The following ADCY2 variants were observed in gnomAD, a reference collection of about 807,000 sequenced individuals.
The protein encoded by ADCY2 is adenylate cyclase type 2.
Under a neutral mutation model 125.2 loss-of-function variants are expected in ADCY2, and 31 were observed. The ratio of observed to expected loss-of-function variants is 0.25; its 90% CI spans 0.19 to 0.33. ADCY2 has a LOEUF of 0.33. Ranked by LOEUF, ADCY2 falls within the 10% of genes least tolerant of loss-of-function variation. The pLI is 1.00. For synonymous variants in ADCY2, 512 were observed against 548.4 expected (o/e 0.93, Z 0.93); for missense variants, 904 against 1,418.2 (o/e 0.64, Z 5.82).
At chr5:7,619,026 T>C (rs1408430237) in intron 3 of ADCY2, among the ~76,000 whole-genome samples, 5 of 152,200 alleles carry the variant, frequency 3.3e-5, no homozygotes, top group Non-Finnish European at 7.3e-5. Context: ...GATCCAGGAC[T>C]ATTCAGTAAT....
At position 7,829,203 on chromosome 5, in the gene ADCY2, A is replaced by G. The variant is rs1745571561; in HGVS notation, c.*2332A>G. On this transcript the variant is annotated 3_prime_UTR_variant, in exon 25 of 25. Coordinates refer to ENST00000338316, the MANE Select transcript of ADCY2 (RefSeq NM_020546.3). ...CCTGAAGGAGGACCCTGAATTTGAG[A>G]TCCCCGGGGCTGGGGCCCAGCACAA... 1 of 152,618 alleles carries G rather than the reference A, an allele frequency of 6.6e-6. No homozygotes were observed. Among genetic ancestry groups the G allele is most frequent in the African/African-American group, 2.4e-5 (1 of 41,446 alleles). The allele number at this position is 152,618 out of a possible 1,614,324, so 9.5% of individuals were successfully genotyped here.
chr5:7,443,238 A>T (rs890174949), intron 2 of ADCY2, among the ~76,000 whole-genome samples: 8 of 152,310 alleles, frequency 5.3e-5, no homozygotes, highest in Non-Finnish European at 1.2e-4. Flanking sequence ...AGTTTATGCT[A>T]ACATTTCTTA....
At chr5:7,565,006 A>G (rs1323529725) in intron 3 of ADCY2, among the ~76,000 whole-genome samples, 1 of 152,238 alleles carries the variant, frequency 6.6e-6, no homozygotes, top group African/African-American at 2.4e-5. Context: ...TGCACATGTA[A>G]CAGTCATCAC....
chr5:7,677,609 G>A (rs1740176770), intron 4 of ADCY2, among the ~76,000 whole-genome samples: 1 of 152,170 alleles, frequency 6.6e-6, no homozygotes, highest in Non-Finnish European at 1.5e-5. Context: ...AAGACCCAAA[G>A]TCCCAGCCCA....
intron 19 of ADCY2, among the ~76,000 whole-genome samples, chr5:7,785,289 A>G (rs1318130139): frequency 6.6e-6 from 1 of 152,128 alleles, no homozygotes; most frequent in Non-Finnish European, 1.5e-5. Context: ...GCTGTTGGTA[A>G]TTGCATAGAC....
chr5:7,718,694 A>G (rs1163174454), intron 12 of ADCY2, among the ~76,000 whole-genome samples: 1 of 152,112 alleles, frequency 6.6e-6, no homozygotes, highest in Non-Finnish European at 1.5e-5. Flanking sequence ...TTCCCGTCAC[A>G]GAGTGTCCAA....
At chr5:7,777,865 C>A (rs960577701) in intron 18 of ADCY2, among the ~76,000 whole-genome samples, 3 of 152,194 alleles carry the variant, frequency 2.0e-5, no homozygotes, top group African/African-American at 7.2e-5. Context: ...GAAAAAAAGA[C>A]CACTCAGAGA....
At chr5:7,696,159 A>G (rs1455816501) in intron 6 of ADCY2, among the ~76,000 whole-genome samples, 1 of 152,160 alleles carries the variant, frequency 6.6e-6, no homozygotes, top group Non-Finnish European at 1.5e-5. Flanking sequence ...CCATTTGCAA[A>G]TCTCTCTGCA....
chr5:7,669,612 A>C (rs1287954693), intron 4 of ADCY2, among the ~76,000 whole-genome samples: 1 of 152,178 alleles, frequency 6.6e-6, no homozygotes, highest in Non-Finnish European at 1.5e-5. Flanking sequence ...TAGAATAGAA[A>C]ATGTCAGCGC....
chr5:7,454,374 A>T (rs573794406), intron 2 of ADCY2, among the ~76,000 whole-genome samples: 47 of 152,264 alleles, frequency 3.1e-4, no homozygotes, highest in African/African-American at 1.1e-3. Context: ...GACTCACTTT[A>T]TTTCGGCATT....
intron 4 of ADCY2, among the ~76,000 whole-genome samples, chr5:7,686,971 A>G (rs1740539948): frequency 6.6e-6 from 1 of 152,172 alleles, no homozygotes; most frequent in African/African-American, 2.4e-5. Flanking sequence ...ATGGACCCTG[A>G]GCTGTCACCA....
chr5:7,516,868 G>A (rs1423076858), intron 2 of ADCY2, among the ~76,000 whole-genome samples: 1 of 152,076 alleles, frequency 6.6e-6, no homozygotes, highest in African/African-American at 2.4e-5. Flanking sequence ...AGGATGGAGA[G>A]AAGCAGACAG....
intron 2 of ADCY2, among the ~76,000 whole-genome samples, chr5:7,431,153 A>T (rs888454883): frequency 6.6e-6 from 1 of 152,194 alleles, no homozygotes; most frequent in African/African-American, 2.4e-5. Flanking sequence ...TTATTATAAA[A>T]CTACAGTAAT....
At chr5:7,496,839 A>G (rs1743362064) in intron 2 of ADCY2, among the ~76,000 whole-genome samples, 1 of 152,208 alleles carries the variant, frequency 6.6e-6, no homozygotes, top group Non-Finnish European at 1.5e-5. Context: ...CATGAATAAT[A>G]TATCTAGGAA....
Position 7,829,379 on chromosome 5 carries a change from A to C in ADCY2, c.*2508A>C, listed in dbSNP as rs1437542343. 1.3e-5 allele frequency: 2 copies of C among 152,628 alleles called. No individual in the cohort carries two copies. Among genetic ancestry groups the C allele is most frequent in the Admixed American group, 1.3e-4 (2 of 15,288 alleles). The allele number at this position is 152,628 out of a possible 1,614,324, so 9.5% of individuals were successfully genotyped here. On this transcript the variant is annotated 3_prime_UTR_variant, in exon 25 of 25. Transcript: ENST00000338316. ...GAGTTCCACAGTTGATTAGCAGTTGAGGCCAGGCTAGAATGGAAAACTGCC... is the reference window on the plus strand; with the variant it reads ...GAGTTCCACAGTTGATTAGCAGTTGCGGCCAGGCTAGAATGGAAAACTGCC...
At chr5:7,787,288 C>T (rs934922949) in intron 19 of ADCY2, among the ~76,000 whole-genome samples, 2 of 152,206 alleles carry the variant, frequency 1.3e-5, no homozygotes, top group Admixed American at 6.5e-5. Flanking sequence ...CTGCTAGACG[C>T]CTGCGCATGG....
intron 2 of ADCY2, among the ~76,000 whole-genome samples, chr5:7,499,299 C>A (rs1743460635): frequency 1.3e-5 from 2 of 152,106 alleles, no homozygotes; most frequent in Admixed American, 1.3e-4. Context: ...AGCCACTGTG[C>A]CTGGCCGAGT....
intron 2 of ADCY2, among the ~76,000 whole-genome samples, chr5:7,447,563 G>A (rs982823099): frequency 6.6e-6 from 1 of 152,186 alleles, no homozygotes; most frequent in African/African-American, 2.4e-5. Context: ...CTGTTTTTCA[G>A]CTTTGTTTGT....
intron 2 of ADCY2, among the ~76,000 whole-genome samples, chr5:7,472,467 C>A (rs1175326215): frequency 6.6e-6 from 1 of 151,780 alleles, no homozygotes; most frequent in East Asian, 1.9e-4. Context: ...ATTTTAAATT[C>A]CCTTTCTGAT....
Sources: allele counts gnomAD v4.1 joint callset (sites outside exome capture counted in the v4.1 genomes callset), GRCh38; gene constraint gnomAD v4.1.1; transcripts MANE v1.5; gene names NCBI Gene and HGNC (gene_info 2026-07-23, HGNC 2026-07-21).